TRIM66: variants seen among roughly 807,000 people sequenced by gnomAD.
TRIM66 encodes tripartite motif containing 66, also known as tripartite motif-containing protein 66.
Under a neutral mutation model 148.2 loss-of-function variants are expected in TRIM66, and 99 were observed. The observed-to-expected ratio is 0.67, with a 90% CI of 0.57 to 0.79. The LOEUF (loss-of-function observed/expected upper bound fraction) is 0.79, where lower values mean the gene tolerates loss of function less well. Ranked by LOEUF, TRIM66 falls within the 30% of genes least tolerant of loss-of-function variation. The pLI, the probability that TRIM66 is intolerant of heterozygous loss-of-function variation, is 0.00. For missense variants in TRIM66, 1,666 were observed against 1,697.9 expected (o/e 0.98, Z 0.33); for synonymous variants, 616 against 635.9 (o/e 0.97, Z 0.47).
intron 1 of TRIM66, among the ~76,000 whole-genome samples, chr11:8,681,428 C>T (rs529277729): frequency 5.3e-5 from 8 of 152,146 alleles, no homozygotes; most frequent in South Asian, 4.1e-4. Flanking sequence ...CCACCACGCC[C>T]GGCCAGAATT....
intron 6 of TRIM66, among the ~76,000 whole-genome samples, chr11:8,664,850 A>C (rs2038489711): frequency 6.6e-6 from 1 of 152,168 alleles, no homozygotes; most frequent in South Asian, 2.1e-4. Context: ...CCAGAGCAGG[A>C]GTACAGCCCT....
chr11:8,636,381 C>T (rs746629494), intron 15 of TRIM66, among the ~76,000 whole-genome samples: 7 of 152,176 alleles, frequency 4.6e-5, no homozygotes, highest in Non-Finnish European at 8.8e-5. Flanking sequence ...CAGGCGGTTA[C>T]AGCAACTCTC....
intron 15 of TRIM66, among the ~76,000 whole-genome samples, chr11:8,634,881 G>A (rs931494859): frequency 4.6e-5 from 7 of 151,958 alleles, no homozygotes; most frequent in Non-Finnish European, 8.8e-5. Flanking sequence ...TGGTGCCACA[G>A]GTTCTTCTGG....
At chr11:8,676,742 T>C (rs936015338) in intron 3 of TRIM66, among the ~76,000 whole-genome samples, 1 of 152,230 alleles carries the variant, frequency 6.6e-6, no homozygotes, top group Admixed American at 6.5e-5. Flanking sequence ...CATAACTTAG[T>C]TCTTCCCTCT....
At chr11:8,632,214 A>G (rs1256248012) in intron 15 of TRIM66, among the ~76,000 whole-genome samples, 3 of 151,920 alleles carry the variant, frequency 2.0e-5, no homozygotes, top group Admixed American at 6.6e-5. Flanking sequence ...AGGCTGAGGC[A>G]GGAGAATTGC....
At chr11:8,658,953 G>T in intron 6 of TRIM66, 1 of 270,586 alleles carries the variant, frequency 3.7e-6, no homozygotes, top group Non-Finnish European at 5.7e-6. Context: ...ACTTCGGATG[G>T]AGAAGACACA....
intron 8 of TRIM66, 23 bp from the exon 9 acceptor site, chr11:8,648,571 T>A: frequency 6.4e-7 from 1 of 1,551,238 alleles, no homozygotes; most frequent in South Asian, 1.2e-5. Flanking sequence ...ACAGAGAAAG[T>A]GAGCTTCTCT....
chr11:8,682,211 G>C (rs149157390), intron 1 of TRIM66, among the ~76,000 whole-genome samples: 1 of 152,240 alleles, frequency 6.6e-6, no homozygotes, highest in Non-Finnish European at 1.5e-5. Context: ...AAAGGAAGCT[G>C]CAGTGCCCAC....
intron 6 of TRIM66, among the ~76,000 whole-genome samples, chr11:8,669,369 T>C (rs1030731776): frequency 2.6e-5 from 4 of 152,136 alleles, no homozygotes; most frequent in African/African-American, 4.8e-5. Flanking sequence ...TAGGGCCAGG[T>C]GCAGTGGCTC....
intron 23 of TRIM66, 169 bp from the exon 24 acceptor site, chr11:8,619,137 A>G: frequency 1.4e-6 from 1 of 738,858 alleles, no homozygotes; most frequent in Non-Finnish European, 2.2e-6. Context: ...AGCAGCTCTT[A>G]TAGCAGAAGT....
chr11:8,662,419 CCCA>C (rs1290650480), intron 6 of TRIM66, among the ~76,000 whole-genome samples: 1 of 152,066 alleles, frequency 6.6e-6, no homozygotes, highest in Admixed American at 6.6e-5. Context: ...CCAAGGCCTG[CCCA>C]CCGAGGGACC....
rs904008311 is a variant in TRIM66, at chr11:8,653,852, A to G, written c.341-1949T>C. Among the ~76,000 whole-genome samples, 5 of 151,936 alleles carry G rather than the reference A, an allele frequency of 3.3e-5. No homozygotes were observed. The South Asian group carries it at 1.0e-3, about 32-fold the overall frequency. On this transcript the variant is annotated intron_variant, in intron 6 of 24. Coordinates refer to ENST00000646038, the MANE Select transcript of TRIM66 (RefSeq NM_001388022.1). ...AGTTTTTGCAGAGCCATGGGTGTTA[A>G]TGACAGGACTGTATCTGGAATGTCC...
chr11:8,659,631 T>C (rs1428238124), intron 6 of TRIM66, among the ~76,000 whole-genome samples: 4 of 152,154 alleles, frequency 2.6e-5, no homozygotes, highest in African/African-American at 7.2e-5. Context: ...TCTGGAGAGC[T>C]TGTTAGAAAT....
In TRIM66 at chr11:8,647,917, G is replaced by C. The variant is rs914050749; in HGVS notation, c.842+53C>G. On this transcript the variant is annotated intron_variant, in intron 10 of 24. Transcript: ENST00000646038. ...CTGACGGCCTGGTGTTGGAACCCTG[G>C]GTGTGCGGGAACAGAGCATTTCCAG... 7.9e-6 allele frequency: 11 copies of C among 1,390,612 alleles called. No homozygotes were observed. The African/African-American group carries it at 1.0e-4, about 13-fold the overall frequency. The allele number at this position is 1,390,612 out of a possible 1,614,324, so 86.1% of individuals were successfully genotyped here.
chr11:8,666,570 C>T (rs889189912), intron 6 of TRIM66, among the ~76,000 whole-genome samples: 10 of 151,812 alleles, frequency 6.6e-5, no homozygotes, highest in African/African-American at 2.2e-4. Context: ...ATGTATATGT[C>T]CTCATTTCAT....
In TRIM66 at chr11:8,621,223, C is replaced by A; in HGVS notation, c.3354G>T (p.Val1118=). ...TGTGTTCTTCAGGAGATGTGCCCTC[C>A]ACTTCTGGTGGCCGCTGCCCAGCCA... ...TSLAGQRPPE[V]EGTSPEEHRL... The change falls in exon 20 of 25, where the codon GTG becomes GTT. Residue 1118 remains valine (V), a synonymous_variant. Transcript: ENST00000646038. 6.4e-7 allele frequency: 1 copy of A among 1,551,720 alleles called. No individual in the cohort carries two copies. The highest frequency in any genetic ancestry group is 8.7e-7 in the Non-Finnish European group (1 of 1,147,000).
chr11:8,652,518 C>A (rs969668497), intron 6 of TRIM66, among the ~76,000 whole-genome samples: 14 of 152,118 alleles, frequency 9.2e-5, no homozygotes, highest in African/African-American at 3.4e-4. Flanking sequence ...TTAGATGCAT[C>A]ATATATATGT....
intron 6 of TRIM66, among the ~76,000 whole-genome samples, chr11:8,671,011 G>A (rs532190596): frequency 6.6e-6 from 1 of 152,178 alleles, no homozygotes; most frequent in Non-Finnish European, 1.5e-5. Context: ...AGTGTGGGCC[G>A]GGTGCAACGG....
chr11:8,620,658 G>C, intron 20 of TRIM66, 86 bp from the exon 21 acceptor site: 3 of 1,489,478 alleles, frequency 2.0e-6, no homozygotes, highest in South Asian at 2.6e-5. Flanking sequence ...GCAGGCGTGA[G>C]AAACTGAGTC....
Sources: allele counts gnomAD v4.1 joint callset (sites outside exome capture counted in the v4.1 genomes callset), GRCh38; gene constraint gnomAD v4.1.1; transcripts MANE v1.5; gene names NCBI Gene and HGNC (gene_info 2026-07-23, HGNC 2026-07-21).